Variants in ADGRL2 observed in about 807,000 individuals in gnomAD.
The protein encoded by ADGRL2 is calcium-independent alpha-latrotoxin receptor 2.
ADGRL2 carries 44 observed loss-of-function variants against 157.4 expected under a neutral mutation model. That is an observed-to-expected ratio of 0.28 (90% CI 0.22 to 0.36). The LOEUF (loss-of-function observed/expected upper bound fraction) is 0.36. Among genes scored for constraint, ADGRL2 ranks in the 10% least tolerant of loss-of-function variants. The pLI is 1.00. For synonymous variants in ADGRL2, 585 were observed against 624.7 expected (o/e 0.94, Z 0.95); for missense variants, 1,510 against 1,768.9 (o/e 0.85, Z 2.63).
intron 1 of ADGRL2, among the ~76,000 whole-genome samples, chr1:81,341,951 T>C (rs1270551476): frequency 6.6e-6 from 1 of 152,140 alleles, no homozygotes; most frequent in African/African-American, 2.4e-5. Flanking sequence ...TCCTGAGAAA[T>C]AAATAGAAGA....
chr1:81,626,816 T>G (rs537998664), intron 3 of ADGRL2, among the ~76,000 whole-genome samples: 1 of 152,284 alleles, frequency 6.6e-6, no homozygotes, highest in African/African-American at 2.4e-5. Flanking sequence ...TTTGCTGATG[T>G]GTGTATAAAA....
chr1:81,674,491 C>A (rs1301649828), intron 3 of ADGRL2, among the ~76,000 whole-genome samples: 1 of 152,180 alleles, frequency 6.6e-6, no homozygotes, highest in East Asian at 1.9e-4. Flanking sequence ...GGTGCGCCCC[C>A]ATGTCTTTTA....
chr1:81,739,426 C>T (rs1007022631), intron 1 of ADGRL2, among the ~76,000 whole-genome samples: 1 of 152,260 alleles, frequency 6.6e-6, no homozygotes, highest in South Asian at 2.1e-4. Context: ...AACCCTTGGG[C>T]CCATTTCCTC....
chr1:81,343,158 G>T (rs545061401), intron 1 of ADGRL2, among the ~76,000 whole-genome samples: 1 of 133,694 alleles, frequency 7.5e-6, no homozygotes, highest in African/African-American at 2.9e-5. Context: ...GTCCAGTCTC[G>T]GTTCACTGCA....
At chr1:81,482,283 A>G (rs937806716) in intron 2 of ADGRL2, among the ~76,000 whole-genome samples, 11 of 152,196 alleles carry the variant, frequency 7.2e-5, no homozygotes, top group Non-Finnish European at 1.5e-4. Context: ...ATGTTTCTGC[A>G]TTGTTTTCTC....
chr1:81,542,099 T>C (rs961274102), intron 2 of ADGRL2, among the ~76,000 whole-genome samples: 1 of 152,198 alleles, frequency 6.6e-6, no homozygotes, highest in Non-Finnish European at 1.5e-5. Context: ...AATTTTCAAA[T>C]ATTATTGGCA....
At chr1:81,852,744 G>GA (rs909797203) in intron 2 of ADGRL2, among the ~76,000 whole-genome samples, 25 of 151,550 alleles carry the variant, frequency 1.6e-4, no homozygotes, top group African/African-American at 5.6e-4. Flanking sequence ...TGTCAACTTA[G>GA]AAAAAAAATT....
chr1:81,325,933 C>T (rs1393857327), intron 1 of ADGRL2, among the ~76,000 whole-genome samples: 1 of 149,454 alleles, frequency 6.7e-6, no homozygotes, highest in African/African-American at 2.4e-5. Flanking sequence ...GAGGATCTCA[C>T]TAAGCATTCA....
chr1:81,718,348 A>G (rs992144338), intron 1 of ADGRL2, among the ~76,000 whole-genome samples: 2 of 152,206 alleles, frequency 1.3e-5, no homozygotes, highest in Admixed American at 6.5e-5. Flanking sequence ...TCTTAAGGAA[A>G]CATAATGCAA....
chr1:81,436,675 T>G (rs1041065951), intron 1 of ADGRL2, among the ~76,000 whole-genome samples: 1 of 152,228 alleles, frequency 6.6e-6, no homozygotes, highest in Non-Finnish European at 1.5e-5. Context: ...CTTTCCATCC[T>G]TCCACTTCTA....
chr1:81,398,414 G>T (rs1030322407), intron 1 of ADGRL2, among the ~76,000 whole-genome samples: 1 of 151,938 alleles, frequency 6.6e-6, no homozygotes, highest in Non-Finnish European at 1.5e-5. Flanking sequence ...TTGCAGTTTG[G>T]TGGTTTTCTG....
chr1:81,488,654 G>A (rs956230568), intron 2 of ADGRL2, among the ~76,000 whole-genome samples: 3 of 151,982 alleles, frequency 2.0e-5, no homozygotes, highest in African/African-American at 7.2e-5. Flanking sequence ...GCTGCAGTAA[G>A]AAAGATCATG....
chr1:81,929,363 A>G (rs2095177919), intron 3 of ADGRL2, among the ~76,000 whole-genome samples: 1 of 152,176 alleles, frequency 6.6e-6, no homozygotes, highest in Admixed American at 6.5e-5. Flanking sequence ...GAAGTAATTT[A>G]AGGAAGAAAA....
In ADGRL2 at chr1:81,314,964, T is replaced by C. The variant is rs989737027; in HGVS notation, c.-302+8455T>C. On this transcript the variant is annotated intron_variant, in intron 1 of 24. Transcript: ENST00000370721. ...AGAAGCTGAGAAAATATAAACAGCA[T>C]TTGGTCTTTGCAACTCTTCCAACCA... Among the ~76,000 whole-genome samples the C allele has an allele frequency of 3.3e-5, 5 of 152,198 alleles. No individual in the cohort carries two copies. The East Asian group carries it at 9.6e-4, about 29-fold the overall frequency.
intron 1 of ADGRL2, among the ~76,000 whole-genome samples, chr1:81,367,229 A>C (rs1270627132): frequency 6.6e-6 from 1 of 152,120 alleles, no homozygotes; most frequent in African/African-American, 2.4e-5. Flanking sequence ...CTTTTATTTT[A>C]AGTTCCAGAG....
chr1:81,482,614 A>G (rs2078413739), intron 2 of ADGRL2, among the ~76,000 whole-genome samples: 1 of 152,146 alleles, frequency 6.6e-6, no homozygotes, highest in Non-Finnish European at 1.5e-5. Context: ...TTCCATCGCT[A>G]TCAGTGTTTC....
chr1:81,515,949 T>C (rs769642132), intron 2 of ADGRL2, among the ~76,000 whole-genome samples: 9 of 152,206 alleles, frequency 5.9e-5, no homozygotes, highest in Non-Finnish European at 1.0e-4. Context: ...AGTATTCAAA[T>C]ATAATTATTC....
At chr1:81,778,545 A>G (rs2086689352) in intron 2 of ADGRL2, among the ~76,000 whole-genome samples, 1 of 152,146 alleles carries the variant, frequency 6.6e-6, no homozygotes. Flanking sequence ...ACCTTAAAAA[A>G]TGTTGATGAC....
intron 3 of ADGRL2, among the ~76,000 whole-genome samples, chr1:81,627,794 T>C (rs2081939463): frequency 6.6e-6 from 1 of 152,162 alleles, no homozygotes; most frequent in Non-Finnish European, 1.5e-5. Context: ...AGAGATCCTC[T>C]GAAGCTCTAG....
Sources: gnomAD v4.1 joint callset for allele counts (sites outside exome capture counted in the v4.1 genomes callset) on GRCh38, gnomAD v4.1.1 for gene constraint, MANE v1.5 for transcripts, NCBI Gene and HGNC (gene_info 2026-07-23, HGNC 2026-07-21) for gene names.